Variants in EPHA3 observed in about 807,000 individuals in gnomAD.
The protein encoded by EPHA3 is ephrin type-A receptor 3.
In EPHA3, 42 loss-of-function variants were observed where a neutral mutation model predicts 107.1. The observed-to-expected ratio is 0.39, with a 90% CI of 0.31 to 0.51. EPHA3 has a LOEUF of 0.51. Among genes scored for constraint, EPHA3 ranks in the 20% least tolerant of loss-of-function variants. EPHA3 has a pLI of 0.78. For synonymous variants in EPHA3, 461 were observed against 424.8 expected (o/e 1.09, Z -1.05); for missense variants, 1,183 against 1,211.2 (o/e 0.98, Z 0.35).
At chr3:89,338,726 T>G (rs1481743767) in intron 3 of EPHA3, among the ~76,000 whole-genome samples, 2 of 152,160 alleles carry the variant, frequency 1.3e-5, no homozygotes, top group African/African-American at 4.8e-5. Context: ...TATTTGTATT[T>G]TTAGTAGGGA....
At chr3:89,215,851 G>C (rs1312642855) in intron 3 of EPHA3, among the ~76,000 whole-genome samples, 1 of 151,648 alleles carries the variant, frequency 6.6e-6, no homozygotes, top group East Asian at 1.9e-4. Context: ...CTTTAAATAG[G>C]CATTTCACTC....
At chr3:89,116,281 AG>A (rs2106949885) in intron 1 of EPHA3, among the ~76,000 whole-genome samples, 1 of 152,276 alleles carries the variant, frequency 6.6e-6, no homozygotes, top group Non-Finnish European at 1.5e-5. Flanking sequence ...GTGATTATTT[AG>A]GGTTATGTGT....
At chr3:89,139,338 G>A (rs1331471773) in intron 2 of EPHA3, among the ~76,000 whole-genome samples, 1 of 151,824 alleles carries the variant, frequency 6.6e-6, no homozygotes, top group African/African-American at 2.4e-5. Context: ...TAAATCTTGT[G>A]GGTGATATGA....
At chr3:89,126,460 T>C (rs1306146117) in intron 1 of EPHA3, among the ~76,000 whole-genome samples, 6 of 151,716 alleles carry the variant, frequency 4.0e-5, no homozygotes, top group Non-Finnish European at 7.4e-5. Context: ...ATATTAAAAA[T>C]GCAACCATAT....
At chr3:89,290,311 C>T (rs537910343) in intron 3 of EPHA3, among the ~76,000 whole-genome samples, 1 of 152,166 alleles carries the variant, frequency 6.6e-6, no homozygotes, top group South Asian at 2.1e-4. Context: ...AGAATTTCTG[C>T]CAAACTTACT....
intron 2 of EPHA3, among the ~76,000 whole-genome samples, chr3:89,207,475 G>A (rs1706132573): frequency 6.6e-6 from 1 of 152,062 alleles, no homozygotes; most frequent in Non-Finnish European, 1.5e-5. Flanking sequence ...CCCAAACTGG[G>A]AAAATATTCG....
At chr3:89,366,559 A>G (rs1331842133) in intron 5 of EPHA3, among the ~76,000 whole-genome samples, 1 of 150,804 alleles carries the variant, frequency 6.6e-6, no homozygotes, top group Non-Finnish European at 1.5e-5. Context: ...TTTGAAAGCC[A>G]TGAAAGTTGA....
chr3:89,378,366 C>T (rs917744379), intron 5 of EPHA3, among the ~76,000 whole-genome samples: 1 of 152,108 alleles, frequency 6.6e-6, no homozygotes, highest in African/African-American at 2.4e-5. Flanking sequence ...CTCATGCCGG[C>T]ATCCCCAGAA....
chr3:89,417,914 C>T (rs371025347), intron 10 of EPHA3, among the ~76,000 whole-genome samples: 1 of 151,276 alleles, frequency 6.6e-6, no homozygotes, highest in East Asian at 1.9e-4. Context: ...GAAAACAGGG[C>T]AAGAGTGGAT....
chr3:89,476,491 C>T (rs966460286), intron 16 of EPHA3, among the ~76,000 whole-genome samples: 9 of 146,838 alleles, frequency 6.1e-5, no homozygotes, highest in Admixed American at 5.5e-4. Context: ...AGAGCTCAGG[C>T]AATTACTGCA....
At chr3:89,476,241 T>G (rs1710504346) in intron 16 of EPHA3, among the ~76,000 whole-genome samples, 1 of 148,064 alleles carries the variant, frequency 6.8e-6, no homozygotes, top group South Asian at 2.1e-4. Flanking sequence ...TATATATGTT[T>G]GCTTATATTG....
At chr3:89,245,559 C>A (rs953511760) in intron 3 of EPHA3, among the ~76,000 whole-genome samples, 1 of 152,136 alleles carries the variant, frequency 6.6e-6, no homozygotes, top group African/African-American at 2.4e-5. Flanking sequence ...TTTAAAGATT[C>A]CTTATGTTGA....
chr3:89,426,420 T>C (rs1464382457), intron 11 of EPHA3, among the ~76,000 whole-genome samples: 1 of 151,790 alleles, frequency 6.6e-6, no homozygotes, highest in Non-Finnish European at 1.5e-5. Flanking sequence ...GTTTACTCTT[T>C]GTATATTTGA....
At chr3:89,122,997 G>A (rs527518303) in intron 1 of EPHA3, among the ~76,000 whole-genome samples, 1 of 152,256 alleles carries the variant, frequency 6.6e-6, no homozygotes, top group South Asian at 2.1e-4. Context: ...ATGACTCTGG[G>A]AATCTTAATC....
In EPHA3 at chr3:89,283,855, C is replaced by T. The variant is rs567553481; in HGVS notation, c.815-57061C>T. Among the ~76,000 whole-genome samples, 195 of 152,114 alleles carry T rather than the reference C, an allele frequency of 1.3e-3. 1 individual carries two copies. Among genetic ancestry groups the T allele is most frequent in the African/African-American group, 4.3e-3 (178 of 41,526 alleles). On this transcript the variant is annotated intron_variant, in intron 3 of 16. Coordinates refer to ENST00000336596, the MANE Select transcript of EPHA3 (RefSeq NM_005233.6). ...AACAAAGAAAATAATTATAATTAAA[C>T]AAATGGAATATGTTTTGTCTTCTCT...
At chr3:89,126,282 A>G (rs1704095792) in intron 1 of EPHA3, among the ~76,000 whole-genome samples, 2 of 151,762 alleles carry the variant, frequency 1.3e-5, no homozygotes, top group Admixed American at 1.3e-4. Context: ...TAGGAGAAAG[A>G]TGAGGTAAAA....
At chr3:89,181,113 T>G (rs1705433701) in intron 2 of EPHA3, among the ~76,000 whole-genome samples, 1 of 152,036 alleles carries the variant, frequency 6.6e-6, no homozygotes, top group African/African-American at 2.4e-5. Context: ...CAGACTTAAG[T>G]AATCTCCTAG....
chr3:89,262,129 A>G (rs558862317), intron 3 of EPHA3, among the ~76,000 whole-genome samples: 2 of 152,246 alleles, frequency 1.3e-5, no homozygotes, highest in South Asian at 4.1e-4. Flanking sequence ...TCATATCTAC[A>G]TGGCCTATGT....
At chr3:89,272,084 A>T (rs1705683206) in intron 3 of EPHA3, among the ~76,000 whole-genome samples, 1 of 151,980 alleles carries the variant, frequency 6.6e-6, no homozygotes, top group African/African-American at 2.4e-5. Flanking sequence ...AATACCTATA[A>T]CATACAAATA....
Sources: gnomAD v4.1 joint callset for allele counts (sites outside exome capture counted in the v4.1 genomes callset) on GRCh38, gnomAD v4.1.1 for gene constraint, MANE v1.5 for transcripts, NCBI Gene and HGNC (gene_info 2026-07-23, HGNC 2026-07-21) for gene names.